PCDHGB1: variants seen among roughly 807,000 people sequenced by gnomAD.
PCDHGB1 encodes the protein protocadherin gamma-B1.
PCDHGB1 carries 34 observed loss-of-function variants against 56.6 expected under a neutral mutation model. That is an observed-to-expected ratio of 0.60 (90% CI 0.46 to 0.80). The LOEUF (loss-of-function observed/expected upper bound fraction) is 0.80, where lower values mean the gene tolerates loss of function less well. Ranked by LOEUF, PCDHGB1 falls within the 30% of genes least tolerant of loss-of-function variation. The pLI is 0.00. For synonymous variants in PCDHGB1, 561 were observed against 505.9 expected (o/e 1.11, Z -1.46); for missense variants, 1,278 against 1,204.6 (o/e 1.06, Z -0.90).
rs1050545030 is a variant in PCDHGB1, at chr5:141,410,711, A to G, written c.2409+58042A>G. The G allele has an allele frequency of 4.2e-6, 6 of 1,436,568 alleles. No individual in the cohort carries two copies. In the African/African-American group the frequency reaches 7.6e-5, roughly 18 times the overall value. The allele number at this position is 1,436,568 out of a possible 1,614,324, so 89.0% of individuals were successfully genotyped here. A position where few individuals can be genotyped will look rare whatever the true frequency, so the allele number is the denominator to read the frequency against. ...CTACTTTATTTTCATATCTAGAATC[A>G]TATGTTTAAAATCCATAGCTTTTTA... On this transcript the variant is annotated intron_variant, in intron 1 of 3. Transcript: ENST00000523390.
At chr5:141,461,799 G>T (rs1025237561) in intron 1 of PCDHGB1, among the ~76,000 whole-genome samples, 5 of 151,188 alleles carry the variant, frequency 3.3e-5, no homozygotes, top group Admixed American at 1.3e-4. Context: ...GATTACAGGT[G>T]CCCACCACCA....
Position 141,409,996 on chromosome 5 carries a change from G to C in PCDHGB1, c.2409+57327G>C, listed in dbSNP as rs1561724976. 8.7e-6 allele frequency: 14 copies of C among 1,613,014 alleles called. No homozygotes were observed. The Admixed American group carries it at 1.8e-4, about 21-fold the overall frequency. On this transcript the variant is annotated intron_variant, in intron 1 of 3. Transcript: ENST00000523390. ...AGGTGGTAGCGGTGGACGCCGACTC[G>C]GGACACAACGCCTGGCTGTCCTACC...
intron 1 of PCDHGB1, chr5:141,405,577 T>C (rs1034475748): frequency 1.0e-5 from 6 of 597,580 alleles, no homozygotes; most frequent in Non-Finnish European, 1.8e-5. Context: ...GTAGAGTAGC[T>C]GGGACTACAG....
At chr5:141,394,693 G>A (rs1310404999) in intron 1 of PCDHGB1, 33 of 1,612,890 alleles carry the variant, frequency 2.0e-5, no homozygotes, top group Non-Finnish European at 2.8e-5. Context: ...GGCGAGGTGC[G>A]CACGGCGCGA....
chr5:141,400,319 C>A lies in PCDHGB1; in HGVS notation c.2409+47650C>A, dbSNP rs762588918. ...TTCCAACCTGGTCTCTGTGTCAAGTCTGGACCTGTGGTTCCCCCCAACTAC... is the reference window on the plus strand; with the variant it reads ...TTCCAACCTGGTCTCTGTGTCAAGTATGGACCTGTGGTTCCCCCCAACTAC... On this transcript the variant is annotated intron_variant, in intron 1 of 3. Coordinates refer to ENST00000523390, the MANE Select transcript of PCDHGB1 (RefSeq NM_018922.3). The A allele has an allele frequency of 4.3e-6, 7 of 1,614,092 alleles. No individual in the cohort carries two copies. In the South Asian group the frequency reaches 7.7e-5, roughly 18 times the overall value.
At chr5:141,405,029 C>A (rs565871444) in intron 1 of PCDHGB1, 1 of 1,613,976 alleles carries the variant, frequency 6.2e-7, no homozygotes, top group South Asian at 1.1e-5. Context: ...TACCCTCTAC[C>A]TCGTTGTGGC....
chr5:141,381,826 C>CTTTTTTTTTTTTTTT (rs770630741), intron 1 of PCDHGB1, among the ~76,000 whole-genome samples: 9 of 74,290 alleles, frequency 1.2e-4, no homozygotes, highest in Middle Eastern at 7.9e-3. Flanking sequence ...CTTTCTTCTT[C>CTTTTTTTTTTTTTTT]TTTTTTTTTT....
In PCDHGB1 at chr5:141,409,971, A is replaced by G. The variant is rs758876775; in HGVS notation, c.2409+57302A>G. On this transcript the variant is annotated intron_variant, in intron 1 of 3. Coordinates refer to ENST00000523390, the MANE Select transcript of PCDHGB1 (RefSeq NM_018922.3). ...GCAGAGCCCGGCTACCTAGTGACTAAGGTGGTAGCGGTGGACGCCGACTCG... is the reference window on the plus strand; with the variant it reads ...GCAGAGCCCGGCTACCTAGTGACTAGGGTGGTAGCGGTGGACGCCGACTCG... 2.9e-5 allele frequency: 47 copies of G among 1,613,202 alleles called. No homozygotes were observed. The highest frequency in any genetic ancestry group is 3.8e-5 in the Non-Finnish European group (45 of 1,179,806).
chr5:141,375,156 A>C (rs565020201), intron 1 of PCDHGB1: 2 of 1,613,972 alleles, frequency 1.2e-6, no homozygotes, highest in Non-Finnish European at 1.7e-6. Flanking sequence ...ACAATTGCTG[A>C]AAGTGCACCT....
rs751457983 is a variant in PCDHGB1, at chr5:141,351,765, C to A, written c.1505C>A (p.Ser502Tyr). Residue 502 changes from serine to tyrosine, a missense_variant, in exon 1 of 4, where the codon TCC becomes TAC. Transcript: ENST00000523390. ...LEPRELLSYV[S>Y]VSPQSGVVFA... ...CCGCGGGAGCTGTTGTCCTACGTGT[C>A]CGTGAGCCCGCAGAGCGGGGTGGTG... is the stretch of plus-strand genomic sequence containing the variant. The A allele has an allele frequency of 1.9e-5, 31 of 1,613,438 alleles. No individual in the cohort carries two copies. Among genetic ancestry groups the A allele is most frequent in the Non-Finnish European group, 2.4e-5 (28 of 1,179,914 alleles).
Position 141,352,153 on chromosome 5 carries a change from G to A in PCDHGB1, c.1893G>A (p.Arg631=). Residue 631 remains arginine, a synonymous_variant, in exon 1 of 4, where the codon AGG becomes AGA. Transcript: ENST00000523390. ...GCACAGCGCGTGCCTTGGGCGACAG[G>A]GACGCGGCCCGCCAGCGCCTGCTGG... is the stretch of plus-strand genomic sequence containing the variant. The part of the protein sequence containing the change: ...EVRTARALGD[R]DAARQRLLVA... The A allele has an allele frequency of 1.2e-6, 2 of 1,612,760 alleles. No homozygotes were observed. The highest frequency in any genetic ancestry group is 1.7e-6 in the Non-Finnish European group (2 of 1,179,522).
In PCDHGB1 at chr5:141,435,253, G is replaced by A. The variant is rs2097754974; in HGVS notation, c.2410-59554G>A. Among the ~76,000 whole-genome samples the A allele has an allele frequency of 1.3e-5, 2 of 152,064 alleles. 1 individual carries two copies. The highest frequency in any genetic ancestry group is 3.9e-4 in the East Asian group (2 of 5,184). On this transcript the variant is annotated intron_variant, in intron 1 of 3. Transcript: ENST00000523390. ...TTCAGTAATTCTTTCTGGCCATTAG[G>A]GATATGTCCATTTATACTTTCTCAG...
rs761106133 is a variant in PCDHGB1 at position 141,432,117 on chromosome 5, C to A, written c.2410-62690C>A. 1 of 1,614,180 alleles carries A rather than the reference C, an allele frequency of 6.2e-7. No individual in the cohort carries two copies. Among genetic ancestry groups the A allele is most frequent in the Admixed American group, 1.7e-5 (1 of 60,024 alleles). ...ACCAACGACAACCCGCCGGTCTTCC[C>A]TCAGGCCTCCTATTCCGCTTATATC... On this transcript the variant is annotated intron_variant, in intron 1 of 3. Transcript: ENST00000523390. The surrounding 1 kb of genome is among the most constrained non-coding windows in gnomAD (Gnocchi z 6.0).
At chr5:141,356,141 T>C (rs1292907004) in intron 1 of PCDHGB1, 6 of 1,613,710 alleles carry the variant, frequency 3.7e-6, no homozygotes, top group Admixed American at 3.3e-5. Flanking sequence ...GACTCTGGAT[T>C]CTATGACATA....
chr5:141,422,836 G>A, intron 1 of PCDHGB1: 1 of 1,614,250 alleles, frequency 6.2e-7, no homozygotes, highest in Middle Eastern at 1.6e-4. Flanking sequence ...GATAGCACGT[G>A]ACAGCGGGGA....
intron 1 of PCDHGB1, chr5:141,423,333 C>T (rs761192305): frequency 3.1e-6 from 5 of 1,614,184 alleles, no homozygotes; most frequent in Non-Finnish European, 4.2e-6. Context: ...CCGCAGTCTC[C>T]TGCATCTTCC....
chr5:141,382,519 T>G lies in PCDHGB1; in HGVS notation c.2409+29850T>G, dbSNP rs147736839. On this transcript the variant is annotated intron_variant, in intron 1 of 3. Transcript: ENST00000523390. ...CATGAACACTGTTGCATTAATTCAG[T>G]GTCTTAAAATGGATTTTTAATTATC... 7.0e-4 allele frequency among the ~76,000 whole-genome samples: 107 copies of G among 152,314 alleles called. No homozygotes were observed. In the Middle Eastern group the frequency reaches 0.01, roughly 15 times the overall value.
rs1554136305 is a variant in PCDHGB1, at chr5:141,450,006, CT to C, written c.2410-44783del. Reference sequence around the variant, plus strand: ...CACATTGCATTTAGTTGCCATGTCTCTTTTTTTTTTTTTTTTTTGAGACAGG... The same window carrying C: ...CACATTGCATTTAGTTGCCATGTCTCTTTTTTTTTTTTTTTTTGAGACAGG... On this transcript the variant is annotated intron_variant, in intron 1 of 3. Coordinates refer to ENST00000523390, the MANE Select transcript of PCDHGB1 (RefSeq NM_018922.3). Among the ~76,000 whole-genome samples, 140 of 132,944 alleles carry C rather than the reference CT, an allele frequency of 1.1e-3. 2 individuals are homozygous for C. In the Middle Eastern group the frequency reaches 0.016, roughly 15 times the overall value. 87.2% of individuals were successfully genotyped at this position (132,944 alleles called of 152,430 possible). A position where few individuals can be genotyped will look rare whatever the true frequency, so the allele number is the denominator to read the frequency against.
chr5:141,479,636 CA>C (rs1397283180), intron 1 of PCDHGB1: 1 of 152,080 alleles, frequency 6.6e-6, no homozygotes, highest in African/African-American at 2.4e-5. Flanking sequence ...TTAACAATAA[CA>C]ACAACAACAA....
Sources: gnomAD v4.1 joint callset for allele counts (sites outside exome capture counted in the v4.1 genomes callset) on GRCh38, gnomAD v4.1.1 for gene constraint, Gnocchi (gnomAD v3.1) non-coding constraint, MANE v1.5 for transcripts, NCBI Gene and HGNC (gene_info 2026-07-23, HGNC 2026-07-21) for gene names.